The following MUC5B variants were observed in gnomAD, a reference collection of about 807,000 sequenced individuals.
MUC5B encodes the protein mucin-5B.
Under a neutral mutation model 376.9 loss-of-function variants are expected in MUC5B, and 116 were observed. The ratio of observed to expected loss-of-function variants is 0.31; its 90% CI spans 0.26 to 0.36. MUC5B has a LOEUF of 0.36. MUC5B is among the 10% of genes least tolerant of loss of function. MUC5B has a pLI of 1.00. For synonymous variants in MUC5B, 3,517 were observed against 3,390.9 expected (o/e 1.04, Z -1.29); for missense variants, 7,165 against 7,769.9 (o/e 0.92, Z 2.93).
At position 1,240,080 on chromosome 11, in the gene MUC5B, G is replaced by A; in HGVS notation, c.3764G>A (p.Ser1255Asn). The change falls in exon 29 of 49, where the codon AGC becomes AAC. Residue 1255 changes from serine (S) to asparagine (N), a missense_variant. Ser to Asn is a conservative substitution (Grantham distance 46). Around this residue, in one of 31 missense-constraint regions of MUC5B, gnomAD observed 517 missense variants for 545.3 expected, o/e 0.95. Transcript: ENST00000529681. ...CTPSGIQCAH[S>N]LEACTCTYED... ...CCCAGTGGCATCCAGTGCGCTCACAGCCTTGAGGGTAAGGAAGGGCCGGGG... is the reference window on the plus strand; with the variant it reads ...CCCAGTGGCATCCAGTGCGCTCACAACCTTGAGGGTAAGGAAGGGCCGGGG... 1.3e-6 allele frequency: 2 copies of A among 1,566,484 alleles called. No homozygotes were observed. The highest frequency in any genetic ancestry group is 2.7e-5 in the African/African-American group (2 of 73,958).
rs377582994 is a variant in MUC5B at position 1,251,632 on chromosome 11, G to A, written c.14752G>A (p.Val4918Met). The A allele has an allele frequency of 5.0e-5, 80 of 1,613,012 alleles. No individual in the cohort carries two copies. Among genetic ancestry groups the A allele is most frequent in the Middle Eastern group, 4.9e-4 (3 of 6,062 alleles). Residue 4918 changes from valine to methionine, a missense_variant, in exon 31 of 49, where the codon GTG becomes ATG. Physicochemically the swap from Val to Met is conservative, Grantham distance 21 (BLOSUM62 1). Coordinates refer to ENST00000529681, the MANE Select transcript of MUC5B (RefSeq NM_002458.3). ...VLPSSLPTFS[V>M]STVSSSVLTT... Reference sequence around the variant, plus strand: ...CCCCAGCAGCCTGCCAACCTTCAGCGTGTCCACTGTGTCCTCCTCAGTCCT... The same window carrying A: ...CCCCAGCAGCCTGCCAACCTTCAGCATGTCCACTGTGTCCTCCTCAGTCCT...
In MUC5B at chr11:1,237,051, C is replaced by T. The variant is rs770029948; in HGVS notation, c.3184C>T (p.Pro1062Ser). The change falls in exon 25 of 49, where the codon CCG (proline) becomes TCG (serine). Residue 1062 changes from proline (P) to serine (S), a missense_variant. Physicochemically the swap from Pro to Ser is moderately conservative, Grantham distance 74. Around this residue, in one of 31 missense-constraint regions of MUC5B, gnomAD observed 143 missense variants for 193.2 expected, o/e 0.74. Transcript: ENST00000529681. ...CAGCTGGAAGCTCTCCCCCTCCTGC[C>T]CGGACGCCCTGGCACCCAAGGACCC... Reference protein sequence around the residue: ...GNSWKLSPSCPDALAPKDPCT... With the variant: ...GNSWKLSPSCSDALAPKDPCT... 28 of 1,581,140 alleles carry T rather than the reference C, an allele frequency of 1.8e-5. No individual in the cohort carries two copies. In the Admixed American group the frequency reaches 4.5e-4, roughly 25 times the overall value.
At position 1,231,288 on chromosome 11, in the gene MUC5B, A is replaced by T. The variant is rs1393124447; in HGVS notation, c.1541-135A>T. On this transcript the variant is annotated intron_variant, in intron 13 of 48. Transcript: ENST00000529681. ...CCACAGGCATGGGACAGGGAGCCTG[A>T]GGGCTCCTGGCCACTCCTGGGTCTC... 2.7e-6 allele frequency: 3 copies of T among 1,114,186 alleles called. No homozygotes were observed. In the Admixed American group the frequency reaches 8.6e-5, roughly 32 times the overall value. 69.0% of individuals were successfully genotyped at this position (1,114,186 alleles called of 1,614,324 possible). A position where few individuals can be genotyped will look rare whatever the true frequency, so the allele number is the denominator to read the frequency against.
intron 13 of MUC5B, 74 bp downstream of exon 13, chr11:1,231,079 G>T: frequency 1.4e-6 from 2 of 1,425,856 alleles, no homozygotes; most frequent in Non-Finnish European, 1.9e-6. Context: ...CCTGGGCAGC[G>T]TCCGCTCCAT....
intron 10 of MUC5B, 88 bp downstream of exon 10, chr11:1,229,895 G>T (rs1226704192): frequency 2.6e-6 from 4 of 1,545,574 alleles, no homozygotes; most frequent in African/African-American, 1.4e-5. Context: ...TGGGGTGGGG[G>T]TGTGGAGCTC....
At chr11:1,251,804 T>TG in intron 31 of MUC5B, 61 bp downstream of exon 31, 1 of 1,236,416 alleles carries the variant, frequency 8.1e-7, no homozygotes, top group Non-Finnish European at 1.1e-6. Flanking sequence ...AACCTGGGTC[T>TG]GCCTGTCCTG....
chr11:1,242,745 C>T lies in MUC5B; in HGVS notation c.5865C>T (p.Pro1955=). ...TPTVTSSKAT[P]SSSPGTATAL... The stretch of plus-strand genomic sequence containing the variant: ...CAGTCACCAGCTCCAAAGCCACTCC[C>T]TCCTCCAGTCCAGGGACTGCAACCG... Residue 1955 remains proline (P), a synonymous_variant, in exon 31 of 49, where the codon CCC becomes CCT. Transcript: ENST00000529681. The T allele has an allele frequency of 1.2e-6, 2 of 1,613,498 alleles. No homozygotes were observed. The highest frequency in any genetic ancestry group is 1.7e-6 in the Non-Finnish European group (2 of 1,179,588).
At chr11:1,259,374 G>C (rs1862939806) in intron 44 of MUC5B, 1 of 488,744 alleles carries the variant, frequency 2.0e-6, no homozygotes, top group East Asian at 3.7e-5. Context: ...CTGCTGGGCA[G>C]ACCCAGCCCT....
In MUC5B at chr11:1,243,733, A is replaced by T; in HGVS notation, c.6853A>T (p.Thr2285Ser). ...HTTATSRTTATATPSKTRTST... is the reference protein window; with the variant it reads ...HTTATSRTTASATPSKTRTST... ...CACGGCCACCTCCAGGACCACAGCC[A>T]CGGCCACACCCAGCAAGACCCGCAC... The change falls in exon 31 of 49, where the codon ACG becomes TCG. Residue 2285 changes from threonine to serine, a missense_variant. Thr to Ser is a moderately conservative substitution (Grantham distance 58). Coordinates refer to ENST00000529681, the MANE Select transcript of MUC5B (RefSeq NM_002458.3). 1.2e-6 allele frequency: 2 copies of T among 1,610,992 alleles called. No homozygotes were observed. Among genetic ancestry groups the T allele is most frequent in the Non-Finnish European group, 1.7e-6 (2 of 1,179,356 alleles).
intron 36 of MUC5B, 55 bp from the exon 37 acceptor site, chr11:1,255,328 C>G (rs1053921050): frequency 1.5e-6 from 2 of 1,372,706 alleles, no homozygotes; most frequent in Non-Finnish European, 2.0e-6. Flanking sequence ...CATGCACGCA[C>G]GCACGCAGCT....
rs1286461886 is a variant in MUC5B, at chr11:1,242,772, C to A, written c.5892C>A (p.Ala1964=). The A allele has an allele frequency of 1.2e-6, 2 of 1,613,080 alleles. No homozygotes were observed. The highest frequency in any genetic ancestry group is 1.3e-5 in the African/African-American group (1 of 74,686). ...CCTCCAGTCCAGGGACTGCAACCGC[C>A]CTTCCAGCACTGAGAAGCACAGCCA... ...TPSSSPGTAT[A]LPALRSTATT... Residue 1964 remains alanine, a synonymous_variant, in exon 31 of 49, where the codon GCC becomes GCA. Transcript: ENST00000529681.
chr11:1,251,051 C>T lies in MUC5B; in HGVS notation c.14171C>T (p.Thr4724Ile). The T allele has an allele frequency of 6.2e-7, 1 of 1,611,420 alleles. No individual in the cohort carries two copies. The highest frequency in any genetic ancestry group is 8.5e-7 in the Non-Finnish European group (1 of 1,178,270). Residue 4724 changes from threonine (T) to isoleucine (I), a missense_variant, in exon 31 of 49, where the codon ACT (threonine) becomes ATT (isoleucine). Thr to Ile is a moderately conservative substitution (Grantham distance 89). Transcript: ENST00000529681. The stretch of plus-strand genomic sequence containing the variant: ...CCCGCAGCCACCAGCTCCAAAGCCA[C>T]TTCCTCCTCCAGTCCAAGGACTGCA... ...TTPAATSSKA[T>I]SSSSPRTATT...
Position 1,227,094 on chromosome 11 carries a change from C to T in MUC5B, c.525C>T (p.Val175=). The T allele has an allele frequency of 1.9e-6, 3 of 1,612,540 alleles. No individual in the cohort carries two copies. Among genetic ancestry groups the T allele is most frequent in the Non-Finnish European group, 2.5e-6 (3 of 1,179,748 alleles). ...LVEQSGDYIK[V]SIRLVLTFLW... Reference sequence around the variant, plus strand: ...AGCAGAGCGGGGACTACATCAAGGTCAGCATCCGGCTGGTGCTGACATTCC... The same window carrying T: ...AGCAGAGCGGGGACTACATCAAGGTTAGCATCCGGCTGGTGCTGACATTCC... Residue 175 remains valine (V), a synonymous_variant, in exon 5 of 49, where the codon GTC becomes GTT. Transcript: ENST00000529681.
At chr11:1,227,862 T>A in intron 7 of MUC5B, 81 bp downstream of exon 7, 1 of 643,486 alleles carries the variant, frequency 1.6e-6, no homozygotes, top group Non-Finnish European at 2.9e-6. Flanking sequence ...CTGAGGAATG[T>A]TCCCAGCTGG....
chr11:1,232,323 C>T (rs1862045974), intron 15 of MUC5B, 127 bp from the exon 16 acceptor site: 5 of 1,351,922 alleles, frequency 3.7e-6, no homozygotes, highest in Non-Finnish European at 5.1e-6. Context: ...CAGAACCCCC[C>T]AAGGCGCAGC....
At chr11:1,260,141 A>G in intron 46 of MUC5B, 56 bp downstream of exon 46, 1 of 1,593,854 alleles carries the variant, frequency 6.3e-7, no homozygotes, top group Non-Finnish European at 8.5e-7. Context: ...AGGGAGGCCC[A>G]ACCCCTGTCT....
Position 1,242,612 on chromosome 11 carries a change from C to T in MUC5B, c.5732C>T (p.Thr1911Ile). 1 of 1,613,826 alleles carries T rather than the reference C, an allele frequency of 6.2e-7. No individual in the cohort carries two copies. The highest frequency in any genetic ancestry group is 1.1e-5 in the South Asian group (1 of 91,084). ...PGTTWILTKPTTTATTTASTG... is the reference protein window; with the variant it reads ...PGTTWILTKPITTATTTASTG... ...ACGACCTGGATCCTCACAAAGCCGA[C>T]CACAACAGCCACTACGACTGCGTCC... The change falls in exon 31 of 49, where the codon ACC becomes ATC. Residue 1911 changes from threonine to isoleucine, a missense_variant. Thr to Ile is a moderately conservative substitution (Grantham distance 89, BLOSUM62 -1). Transcript: ENST00000529681.
At chr11:1,240,794 T>G in intron 30 of MUC5B, 57 bp from the exon 31 acceptor site, 2 of 1,483,462 alleles carry the variant, frequency 1.3e-6, no homozygotes, top group Non-Finnish European at 1.8e-6. Context: ...CCCTCCACCT[T>G]GTGAGGCCAG....
At position 1,245,238 on chromosome 11, in the gene MUC5B, G is replaced by A. The variant is rs761119337; in HGVS notation, c.8358G>A (p.Glu2786=). 2 of 1,597,140 alleles carry A rather than the reference G, an allele frequency of 1.3e-6. No homozygotes were observed. Among genetic ancestry groups the A allele is most frequent in the Non-Finnish European group, 1.7e-6 (2 of 1,174,080 alleles). The change falls in exon 31 of 49, where the codon GAG becomes GAA. Residue 2786 remains glutamate, a synonymous_variant. Transcript: ENST00000529681. ...CCTTGGGCACCACCCACATCACAGA[G>A]CCTTCCACGGGGACTTCCCACACCC... The part of the protein sequence containing the change: ...SGTLGTTHIT[E]PSTGTSHTPA...
Sources: allele counts gnomAD v4.1 joint callset, GRCh38; gene constraint gnomAD v4.1.1; regional missense constraint gnomAD v4.1.1; transcripts MANE v1.5; gene names NCBI Gene and HGNC (gene_info 2026-07-23, HGNC 2026-07-21).